NUDCD1: variants seen among roughly 807,000 people sequenced by gnomAD.
NUDCD1 encodes the protein nudC domain-containing protein 1.
Under a neutral mutation model 67.8 loss-of-function variants are expected in NUDCD1, and 60 were observed. That is an observed-to-expected ratio of 0.88 (90% CI 0.72 to 1.10). The LOEUF (loss-of-function observed/expected upper bound fraction) is 1.10. Among genes scored for constraint, NUDCD1 ranks in the 50% least tolerant of loss-of-function variants. The pLI is 0.00. For missense variants in NUDCD1, 643 were observed against 695.0 expected (o/e 0.93, Z 0.84); for synonymous variants, 244 against 230.8 (o/e 1.06, Z -0.52).
At chr8:109,249,078 A>G (rs1361905349) in intron 8 of NUDCD1, among the ~76,000 whole-genome samples, 2 of 152,192 alleles carry the variant, frequency 1.3e-5, no homozygotes, top group African/African-American at 4.8e-5. Flanking sequence ...TGAGGGTGAT[A>G]GCTATGACTT....
At chr8:109,260,232 G>A (rs1813832692) in intron 8 of NUDCD1, among the ~76,000 whole-genome samples, 1 of 152,214 alleles carries the variant, frequency 6.6e-6, no homozygotes. Context: ...CTCTGTTGTA[G>A]GTTGCCTAGG....
intron 8 of NUDCD1, 110 bp downstream of exon 8, chr8:109,270,893 CTT>C (rs1387843659): frequency 2.6e-5 from 17 of 661,148 alleles, no homozygotes; most frequent in Non-Finnish European, 4.0e-5. Flanking sequence ...AGTGATGAGA[CTT>C]ATCAAAGCCA....
At chr8:109,321,400 T>A (rs528287673) in intron 2 of NUDCD1, among the ~76,000 whole-genome samples, 4 of 152,166 alleles carry the variant, frequency 2.6e-5, no homozygotes, top group Non-Finnish European at 5.9e-5. Flanking sequence ...AGAGGCAGAC[T>A]GTGGTAAGTC....
rs1814846401 is a variant in NUDCD1, at chr8:109,296,515, C to T, written c.328G>A (p.Ala110Thr). 2.5e-6 allele frequency: 4 copies of T among 1,611,966 alleles called. No homozygotes were observed. Among genetic ancestry groups the T allele is most frequent in the Non-Finnish European group, 3.4e-6 (4 of 1,178,570 alleles). The change falls in exon 3 of 10, where the codon GCA (alanine) becomes ACA (threonine). Residue 110 changes from alanine (A) to threonine (T), a missense_variant. By Grantham distance (58) the Ala-to-Thr change is moderately conservative (BLOSUM62 0). Coordinates refer to ENST00000239690, the MANE Select transcript of NUDCD1 (RefSeq NM_032869.4). ...EVFRLPTDLTACDNRLCASIH... is the reference protein window; with the variant it reads ...EVFRLPTDLTTCDNRLCASIH... ...GATGCACAAAGACGGTTGTCACATG[C>T]TGTCAAATCTGTAGGAAGTCGAAAC...
chr8:109,257,769 A>C (rs1194892436), intron 8 of NUDCD1, among the ~76,000 whole-genome samples: 3 of 152,138 alleles, frequency 2.0e-5, no homozygotes, highest in African/African-American at 7.2e-5. Context: ...AAGGTCATAC[A>C]GTCTTTGTTA....
intron 4 of NUDCD1, 126 bp from the exon 5 acceptor site, chr8:109,290,059 T>C (rs1814674804): frequency 2.1e-6 from 1 of 472,588 alleles, no homozygotes; most frequent in South Asian, 4.5e-5. Context: ...GGTACACTAT[T>C]AAGAGTCTTT....
intron 8 of NUDCD1, among the ~76,000 whole-genome samples, chr8:109,247,162 A>G (rs1400819430): frequency 1.3e-5 from 2 of 152,134 alleles, no homozygotes; most frequent in Non-Finnish European, 2.9e-5. Context: ...TTTTATTATT[A>G]TGTTTGACAG....
At chr8:109,333,020 C>T (rs986566777) in intron 1 of NUDCD1, among the ~76,000 whole-genome samples, 1 of 152,166 alleles carries the variant, frequency 6.6e-6, no homozygotes, top group Non-Finnish European at 1.5e-5. Context: ...AGCTAATAGT[C>T]CTCTTTTGTT....
chr8:109,242,964 C>T lies in NUDCD1; in HGVS notation c.*45G>A. ...TATAACTGTCCAGACCTCCAGGTAC[C>T]ACTGAATACTTTTCCAGTACAAAGA... On this transcript the variant is annotated 3_prime_UTR_variant, in exon 10 of 10. Transcript: ENST00000239690. 2 of 1,291,120 alleles carry T rather than the reference C, an allele frequency of 1.5e-6. No homozygotes were observed. The highest frequency in any genetic ancestry group is 2.2e-6 in the Non-Finnish European group (2 of 907,536). 80.0% of individuals were successfully genotyped at this position (1,291,120 alleles called of 1,614,324 possible).
intron 6 of NUDCD1, among the ~76,000 whole-genome samples, chr8:109,280,385 C>T (rs1814404462): frequency 6.6e-6 from 1 of 152,144 alleles, no homozygotes; most frequent in African/African-American, 2.4e-5. Flanking sequence ...TGGCCTCAAG[C>T]AATCCTCCTA....
At chr8:109,248,951 G>C (rs1018475605) in intron 8 of NUDCD1, among the ~76,000 whole-genome samples, 1 of 151,802 alleles carries the variant, frequency 6.6e-6, no homozygotes, top group Admixed American at 6.6e-5. Context: ...TATGCAAATG[G>C]CATCTTCTCC....
chr8:109,281,224 C>T (rs1264312623), intron 5 of NUDCD1, 52 bp from the exon 6 acceptor site: 1 of 1,176,904 alleles, frequency 8.5e-7, no homozygotes. Context: ...AGAAAGCATA[C>T]ACACACACAA....
At chr8:109,322,551 A>C (rs1815567880) in intron 1 of NUDCD1, 88 bp from the exon 2 acceptor site, 2 of 942,698 alleles carry the variant, frequency 2.1e-6, no homozygotes, top group Non-Finnish European at 1.6e-6. Flanking sequence ...CAAAAAAAAA[A>C]ATCACAGAAT....
intron 8 of NUDCD1, among the ~76,000 whole-genome samples, chr8:109,250,160 C>A: frequency 6.6e-6 from 1 of 152,088 alleles, no homozygotes; most frequent in Non-Finnish European, 1.5e-5. Flanking sequence ...TTGTTGAATT[C>A]TTTACTTCTT....
intron 2 of NUDCD1, among the ~76,000 whole-genome samples, chr8:109,322,108 G>A (rs971820523): frequency 1.3e-5 from 2 of 151,962 alleles, no homozygotes; most frequent in Admixed American, 1.3e-4. Flanking sequence ...TGAGAGTGGA[G>A]GTGAGTAAGT....
At chr8:109,299,298 C>T (rs572456161) in intron 2 of NUDCD1, among the ~76,000 whole-genome samples, 3 of 152,268 alleles carry the variant, frequency 2.0e-5, no homozygotes, top group South Asian at 4.2e-4. Context: ...ACTCCACAGG[C>T]AGGCAAAGAA....
intron 2 of NUDCD1, among the ~76,000 whole-genome samples, chr8:109,320,123 CT>C (rs1815498976): frequency 6.6e-6 from 1 of 152,158 alleles, no homozygotes; most frequent in African/African-American, 2.4e-5. Flanking sequence ...ATTAAAATTG[CT>C]AATGAAGTTT....
intron 7 of NUDCD1, 89 bp downstream of exon 7, chr8:109,275,263 G>A: frequency 7.7e-7 from 1 of 1,300,900 alleles, no homozygotes; most frequent in Non-Finnish European, 1.1e-6. Context: ...ATTAGGAAAA[G>A]CAAAATATTG....
At chr8:109,313,811 C>T (rs962106629) in intron 2 of NUDCD1, 27 of 1,035,200 alleles carry the variant, frequency 2.6e-5, no homozygotes, top group African/African-American at 1.3e-4. Context: ...TTATACATGA[C>T]GGAGGTTGCT....
Sources: gnomAD v4.1 joint callset for allele counts (sites outside exome capture counted in the v4.1 genomes callset) on GRCh38, gnomAD v4.1.1 for gene constraint, MANE v1.5 for transcripts, NCBI Gene and HGNC (gene_info 2026-07-23, HGNC 2026-07-21) for gene names.